FBLN5: variants seen among roughly 807,000 people sequenced by gnomAD.
The protein encoded by FBLN5 is fibulin-5.
In FBLN5, 24 loss-of-function variants were observed where a neutral mutation model predicts 61.6. That is an observed-to-expected ratio of 0.39 (90% CI 0.28 to 0.55). The LOEUF is 0.55. Among genes scored for constraint, FBLN5 ranks in the 20% least tolerant of loss-of-function variants. The probability of loss-of-function intolerance (pLI) is 0.65; values close to 1 mark genes in which losing one functional copy is unlikely to be tolerated. For synonymous variants in FBLN5, 213 were observed against 219.8 expected, an observed-to-expected ratio of 0.97 and a Z score of 0.27; for missense variants, 470 against 594.1, an observed-to-expected ratio of 0.79 and a Z score of 2.17.
intron 4 of FBLN5, among the ~76,000 whole-genome samples, chr14:91,923,881 C>A (rs890987129): frequency 3.3e-5 from 5 of 152,186 alleles, no homozygotes; most frequent in African/African-American, 1.2e-4. Context: ...AGATATGCAA[C>A]CCTGTCTTTA....
chr14:91,893,401 G>C (rs1038946172), intron 5 of FBLN5, among the ~76,000 whole-genome samples: 33 of 152,216 alleles, frequency 2.2e-4, no homozygotes, highest in Non-Finnish European at 4.4e-4. Context: ...AGCCTGGAAA[G>C]GAGAATCAAG....
At chr14:91,911,376 T>C (rs1890925738) in intron 4 of FBLN5, among the ~76,000 whole-genome samples, 1 of 152,206 alleles carries the variant, frequency 6.6e-6, no homozygotes, top group Non-Finnish European at 1.5e-5. Context: ...TTGATAATGA[T>C]GGTAGTTAAT....
chr14:91,926,094 G>C (rs1183195299), intron 4 of FBLN5, among the ~76,000 whole-genome samples: 1 of 152,172 alleles, frequency 6.6e-6, no homozygotes, highest in African/African-American at 2.4e-5. Context: ...AGATGCTGTG[G>C]ATAAACAGTG....
At chr14:91,887,625 A>G (rs916088317) in intron 6 of FBLN5, among the ~76,000 whole-genome samples, 2 of 152,100 alleles carry the variant, frequency 1.3e-5, no homozygotes, top group Non-Finnish European at 2.9e-5. Context: ...CACCCCCCCA[A>G]CCAGGAATTT....
At chr14:91,923,559 C>T (rs545457252) in intron 4 of FBLN5, among the ~76,000 whole-genome samples, 106 of 152,344 alleles carry the variant, frequency 7.0e-4, no homozygotes, top group African/African-American at 2.4e-3. Context: ...TGCCCTTCCT[C>T]GTCTCTGACA....
intron 6 of FBLN5, 139 bp from the exon 7 acceptor site, chr14:91,887,451 C>T (rs1889780549): frequency 2.3e-6 from 2 of 866,536 alleles, no homozygotes; most frequent in Non-Finnish European, 3.8e-6. Context: ...CACCCAGGAC[C>T]TTTGGGAGCA....
At chr14:91,871,824 T>G (rs1888943129) in intron 10 of FBLN5, among the ~76,000 whole-genome samples, 1 of 146,368 alleles carries the variant, frequency 6.8e-6, no homozygotes, top group Non-Finnish European at 1.5e-5. Context: ...ACCACTATAC[T>G]CCACCCTGGA....
rs1595298266 is a variant in FBLN5 at position 91,882,879 on chromosome 14, G to A, written c.862+75C>T. 6.4e-7 allele frequency: 1 copy of A among 1,550,776 alleles called. No homozygotes were observed. Among genetic ancestry groups the A allele is most frequent in the East Asian group, 2.3e-5 (1 of 43,742 alleles). Reference sequence around the variant, plus strand: ...AAGCTGCACATGATTCCCCAGGTGAGGATATCCAGATGAGCCCCTGAAGCA... The same window carrying A: ...AAGCTGCACATGATTCCCCAGGTGAAGATATCCAGATGAGCCCCTGAAGCA... On this transcript the variant is annotated intron_variant, in intron 8 of 10. Transcript: ENST00000342058. The surrounding 1 kb of genome is among the most constrained non-coding windows in gnomAD (Gnocchi z 4.9).
At chr14:91,921,466 C>T (rs974710019) in intron 4 of FBLN5, among the ~76,000 whole-genome samples, 2 of 152,134 alleles carry the variant, frequency 1.3e-5, no homozygotes, top group Non-Finnish European at 2.9e-5. Flanking sequence ...GGAAAATCAA[C>T]AAACAAATAC....
intron 4 of FBLN5, among the ~76,000 whole-genome samples, chr14:91,896,788 C>A (rs936716282): frequency 6.6e-6 from 1 of 152,166 alleles, no homozygotes. Context: ...CCCACTCCCA[C>A]GCTGTCTGCC....
At chr14:91,888,048 C>T (rs1335698291) in intron 6 of FBLN5, among the ~76,000 whole-genome samples, 2 of 152,194 alleles carry the variant, frequency 1.3e-5, no homozygotes, top group Non-Finnish European at 2.9e-5. Context: ...CCTGTAATCC[C>T]AGCACTTTGG....
chr14:91,883,664 A>AAAAAAAAAAAAAC (rs758858453), intron 7 of FBLN5, among the ~76,000 whole-genome samples: 6 of 148,466 alleles, frequency 4.0e-5, no homozygotes, highest in African/African-American at 1.3e-4. Context: ...AAACAAAAAA[A>AAAAAAAAAAAAAC]ACACACACAC....
intron 4 of FBLN5, among the ~76,000 whole-genome samples, chr14:91,902,168 G>T (rs1312369157): frequency 6.6e-6 from 1 of 152,182 alleles, no homozygotes; most frequent in Non-Finnish European, 1.5e-5. Context: ...CCTGCCACGG[G>T]GCCAGGGGAA....
intron 4 of FBLN5, among the ~76,000 whole-genome samples, chr14:91,921,877 T>C (rs1316093440): frequency 1.3e-5 from 2 of 152,166 alleles, no homozygotes; most frequent in African/African-American, 4.8e-5. Context: ...GCATGGTGCC[T>C]ATGACCAACC....
chr14:91,877,769 G>C (rs1213753764), intron 9 of FBLN5, 87 bp from the exon 10 acceptor site: 1 of 1,035,560 alleles, frequency 9.7e-7, no homozygotes, highest in Non-Finnish European at 1.5e-6. Context: ...CACTGAAAAT[G>C]AGGCCACCCC....
intron 4 of FBLN5, among the ~76,000 whole-genome samples, chr14:91,920,558 A>C (rs984462877): frequency 6.6e-6 from 1 of 152,178 alleles, no homozygotes; most frequent in Non-Finnish European, 1.5e-5. Flanking sequence ...CTGCCAGGTG[A>C]TCTTGGACAA....
intron 2 of FBLN5, 47 bp downstream of exon 2, chr14:91,942,860 C>T (rs1334880561): frequency 1.9e-5 from 25 of 1,299,268 alleles, no homozygotes; most frequent in Middle Eastern, 3.6e-4. Context: ...TCCCTCACCC[C>T]GGATTTTAAT....
chr14:91,876,916 C>G (rs1477879069), intron 10 of FBLN5, among the ~76,000 whole-genome samples: 1 of 152,276 alleles, frequency 6.6e-6, no homozygotes, highest in East Asian at 1.9e-4. Flanking sequence ...CAACTTCGAC[C>G]TCCTGGGCTC....
chr14:91,881,509 G>A, intron 8 of FBLN5, 91 bp from the exon 9 acceptor site: 2 of 1,410,220 alleles, frequency 1.4e-6, no homozygotes. Context: ...TTACTACAGA[G>A]CTGTACTATC....
Sources: gnomAD v4.1 joint callset for allele counts (sites outside exome capture counted in the v4.1 genomes callset) on GRCh38, gnomAD v4.1.1 for gene constraint, Gnocchi (gnomAD v3.1) non-coding constraint, MANE v1.5 for transcripts, NCBI Gene and HGNC (gene_info 2026-07-23, HGNC 2026-07-21) for gene names.